The following CSMD1 variants were observed in gnomAD, a reference collection of about 807,000 sequenced individuals.
CSMD1 encodes CUB and sushi domain-containing protein 1.
Under a neutral mutation model 417.5 loss-of-function variants are expected in CSMD1, and 213 were observed. The observed-to-expected ratio is 0.51, with a 90% CI of 0.46 to 0.57. CSMD1 has a LOEUF of 0.57. Ranked by LOEUF, CSMD1 falls within the 20% of genes least tolerant of loss-of-function variation. The pLI, the probability that CSMD1 is intolerant of heterozygous loss-of-function variation, is 0.00. For missense variants in CSMD1, 6,923 were observed against 4,529.7 expected, an observed-to-expected ratio of 1.53 and a Z score of -15.17; for synonymous variants, 2,862 against 1,736.8, an observed-to-expected ratio of 1.65 and a Z score of -16.11.
intron 3 of CSMD1, among the ~76,000 whole-genome samples, chr8:4,131,505 T>A (rs1418181924): frequency 6.6e-6 from 1 of 152,188 alleles, no homozygotes. Flanking sequence ...CCTTGGATAT[T>A]CACTAAACAT....
At chr8:4,258,379 G>GA (rs1803616800) in intron 3 of CSMD1, among the ~76,000 whole-genome samples, 1 of 12,064 alleles carries the variant, frequency 8.3e-5, no homozygotes, top group African/African-American at 3.8e-4. Context: ...GGGAGGGAAG[G>GA]AGGGAGGGGA....
At chr8:4,055,153 T>C (rs978966673) in intron 3 of CSMD1, among the ~76,000 whole-genome samples, 9 of 152,198 alleles carry the variant, frequency 5.9e-5, no homozygotes, top group African/African-American at 2.2e-4. Context: ...TCAGAAACTG[T>C]TTGAAATATG....
At chr8:3,291,253 C>T (rs889757140) in intron 25 of CSMD1, among the ~76,000 whole-genome samples, 13 of 152,048 alleles carry the variant, frequency 8.5e-5, no homozygotes, top group South Asian at 4.2e-4. Context: ...ATTTTTGCAT[C>T]GATGTTCATA....
chr8:3,828,177 G>C lies in CSMD1; in HGVS notation c.819-74135C>G, dbSNP rs74745542. On this transcript the variant is annotated intron_variant, in intron 5 of 69. Transcript: ENST00000635120. The stretch of plus-strand genomic sequence containing the variant: ...CTTAACATTTACAAAGGCAATCCAA[G>C]TTTAACCAGTATGCAATCCTTGATA... 6.3e-3 allele frequency among the ~76,000 whole-genome samples: 966 copies of C among 152,228 alleles called. 8 individuals are homozygous for C. Among genetic ancestry groups the C allele is most frequent in the Non-Finnish European group, 0.011 (735 of 68,024 alleles).
intron 3 of CSMD1, among the ~76,000 whole-genome samples, chr8:4,344,752 A>G (rs1800685845): frequency 6.6e-6 from 1 of 152,110 alleles, no homozygotes; most frequent in African/African-American, 2.4e-5. Flanking sequence ...TGCCATTCAC[A>G]TTTCACCGTT....
chr8:4,068,709 G>T lies in CSMD1; in HGVS notation c.416-36610C>A, dbSNP rs80056016. On this transcript the variant is annotated intron_variant, in intron 3 of 69. Transcript: ENST00000635120. The stretch of plus-strand genomic sequence containing the variant: ...TTCTCATTTCAAGATATCTAGTGGG[G>T]AAAAAAGAAATAACTATGCCTGCGC... 1.6e-3 allele frequency among the ~76,000 whole-genome samples: 244 copies of T among 152,134 alleles called. 5 individuals are homozygous for T. In the East Asian group the frequency reaches 0.045, roughly 28 times the overall value.
intron 2 of CSMD1, among the ~76,000 whole-genome samples, chr8:4,477,547 C>T (rs949217829): frequency 2.0e-5 from 3 of 152,192 alleles, no homozygotes; most frequent in Admixed American, 6.5e-5. Context: ...ATGACACACA[C>T]AGTTTAAATG....
At chr8:3,101,108 C>A (rs905115296) in intron 46 of CSMD1, among the ~76,000 whole-genome samples, 8 of 150,358 alleles carry the variant, frequency 5.3e-5, no homozygotes, top group Non-Finnish European at 1.5e-5. Context: ...ATTGAAGGAT[C>A]CCCCAAGGTC....
intron 3 of CSMD1, among the ~76,000 whole-genome samples, chr8:4,205,687 A>T (rs970841513): frequency 6.6e-6 from 1 of 151,880 alleles, no homozygotes; most frequent in African/African-American, 2.4e-5. Flanking sequence ...AAATTTTTAC[A>T]AAGTTTCTTC....
At chr8:3,671,536 T>TC (rs1407787125) in intron 7 of CSMD1, among the ~76,000 whole-genome samples, 1 of 6,530 alleles carries the variant, frequency 1.5e-4, no homozygotes, top group Non-Finnish European at 3.0e-4. Flanking sequence ...ATCATATATA[T>TC]ATATATATGA....
At chr8:3,989,066 T>G (rs1238951146) in intron 5 of CSMD1, among the ~76,000 whole-genome samples, 3 of 152,234 alleles carry the variant, frequency 2.0e-5, no homozygotes, top group African/African-American at 7.2e-5. Context: ...GGCAGAAATC[T>G]GAACTCTCTA....
chr8:4,529,590 G>A (rs2130446485), intron 2 of CSMD1, among the ~76,000 whole-genome samples: 1 of 152,178 alleles, frequency 6.6e-6, no homozygotes, highest in East Asian at 1.9e-4. Context: ...AGCTCCTTGG[G>A]GGCAGTGTTG....
intron 10 of CSMD1, among the ~76,000 whole-genome samples, chr8:3,496,660 C>T (rs1827154): frequency 0.74 from 112,976 of 151,832 alleles, 42,260 homozygotes; most frequent in Middle Eastern, 0.83. Flanking sequence ...ACCCTGTCTC[C>T]ACTAAAAATA....
intron 52 of CSMD1, among the ~76,000 whole-genome samples, chr8:3,008,524 C>G (rs11783692): frequency 0.016 from 2,403 of 152,266 alleles, 25 homozygotes; most frequent in East Asian, 0.039. Context: ...TTATAAAACA[C>G]CTTGCTGAGA....
intron 5 of CSMD1, among the ~76,000 whole-genome samples, chr8:3,953,463 A>T (rs989816344): frequency 6.6e-6 from 1 of 152,166 alleles, no homozygotes; most frequent in Admixed American, 6.5e-5. Context: ...GAGACCATAA[A>T]CACACACAGA....
intron 5 of CSMD1, among the ~76,000 whole-genome samples, chr8:3,983,090 T>C (rs904926057): frequency 6.6e-6 from 1 of 151,532 alleles, no homozygotes; most frequent in African/African-American, 2.4e-5. Flanking sequence ...TCTAATGATG[T>C]AAAACGCCTC....
At chr8:3,347,337 C>A (rs1307769272) in intron 22 of CSMD1, among the ~76,000 whole-genome samples, 4 of 152,198 alleles carry the variant, frequency 2.6e-5, no homozygotes, top group Non-Finnish European at 4.4e-5. Context: ...TATATCAGGA[C>A]TCTTAGAAGT....
intron 5 of CSMD1, among the ~76,000 whole-genome samples, chr8:3,948,319 AG>A (rs1811372531): frequency 6.6e-6 from 1 of 152,172 alleles, no homozygotes; most frequent in Non-Finnish European, 1.5e-5. Flanking sequence ...GAAGAGTATA[AG>A]GGGCTTAGAA....
chr8:3,839,983 G>C (rs1010519397), intron 5 of CSMD1, among the ~76,000 whole-genome samples: 5 of 152,042 alleles, frequency 3.3e-5, no homozygotes, highest in South Asian at 4.2e-4. Context: ...AGATGTTGAA[G>C]GATGCATTTA....
Sources: gnomAD v4.1 joint callset for allele counts (sites outside exome capture counted in the v4.1 genomes callset) on GRCh38, gnomAD v4.1.1 for gene constraint, MANE v1.5 for transcripts, NCBI Gene and HGNC (gene_info 2026-07-23, HGNC 2026-07-21) for gene names.